The following DNAH10 variants were observed in gnomAD, a reference collection of about 807,000 sequenced individuals.
The protein encoded by DNAH10 is dynein axonemal heavy chain 10, also known as axonemal beta dynein heavy chain 10.
A neutral mutation model predicts 506.6 loss-of-function variants in DNAH10; 348 were observed. That is an observed-to-expected ratio of 0.69 (90% CI 0.63 to 0.75). The LOEUF is 0.75. Ranked by LOEUF, DNAH10 falls within the 30% of genes least tolerant of loss-of-function variation. DNAH10 has a pLI of 0.00. For missense variants in DNAH10, 5,179 were observed against 5,787.1 expected (o/e 0.89, Z 3.41); for synonymous variants, 2,059 against 2,198.6 (o/e 0.94, Z 1.78).
chr12:123,773,654 C>A (rs1203886867), intron 4 of DNAH10, among the ~76,000 whole-genome samples: 1 of 151,106 alleles, frequency 6.6e-6, no homozygotes, highest in Non-Finnish European at 1.5e-5. Flanking sequence ...TGGTGGAGAG[C>A]AGAGAGAGAG....
chr12:123,799,161 T>A (rs1195107944), intron 13 of DNAH10, 85 bp from the exon 14 acceptor site: 1 of 847,886 alleles, frequency 1.2e-6, no homozygotes, highest in East Asian at 4.4e-5. Flanking sequence ...ATTATATTTA[T>A]AATTTGTATA....
rs570817172 is a variant in DNAH10, at chr12:123,884,487, T to C, written c.8824-2655T>C. ...GATCAGGGTGCCAGCATGGTCGGGC[T>C]CCAGAGAGGGCCCTCTCCCGGGCTG... On this transcript the variant is annotated intron_variant, in intron 51 of 78. Transcript: ENST00000673944. Among the ~76,000 whole-genome samples the C allele has an allele frequency of 1.9e-4, 29 of 152,190 alleles. 1 individual carries two copies. The highest frequency in any genetic ancestry group is 4.1e-4 in the Non-Finnish European group (28 of 68,030).
At chr12:123,827,493 A>T (rs1305049869) in intron 25 of DNAH10, among the ~76,000 whole-genome samples, 2 of 152,072 alleles carry the variant, frequency 1.3e-5, no homozygotes, top group Admixed American at 6.5e-5. Context: ...CACCATACTG[A>T]TGGGATAGCC....
At chr12:123,767,283 T>A (rs74322376) in intron 1 of DNAH10, among the ~76,000 whole-genome samples, 7,926 of 152,282 alleles carry the variant, frequency 0.052, 271 homozygotes, top group African/African-American at 0.089. Context: ...ATGTACAGTT[T>A]AGGGTGTTAA....
At chr12:123,763,135 C>T (rs1040975984) in intron 1 of DNAH10, among the ~76,000 whole-genome samples, 6 of 152,230 alleles carry the variant, frequency 3.9e-5, no homozygotes, top group Non-Finnish European at 8.8e-5. Flanking sequence ...TTAAAAACTA[C>T]AGTAGACTTT....
At position 123,845,835 on chromosome 12, in the gene DNAH10, G is replaced by T; in HGVS notation, c.5596G>T (p.Ala1866Ser). 1 of 1,614,040 alleles carries T rather than the reference G, an allele frequency of 6.2e-7. No homozygotes were observed. Among genetic ancestry groups the T allele is most frequent in the Non-Finnish European group, 8.5e-7 (1 of 1,179,900 alleles). ...YNTVLIIDVH[A>S]RDIVDSFIRG... is the part of the protein sequence containing the mutation. ...CACTGTTCTCATCATTGATGTGCAT[G>T]CCAGAGACATAGTTGATTCTTTCAT... is the stretch of plus-strand genomic sequence containing the variant. The change falls in exon 31 of 79, where the codon GCC becomes TCC. Residue 1866 changes from alanine (A) to serine (S), a missense_variant. Around this residue, in one of 3 missense-constraint regions of DNAH10, gnomAD observed 4,844 missense variants for 5,430.5 expected, o/e 0.89. Coordinates refer to ENST00000673944, the MANE Select transcript of DNAH10 (RefSeq NM_001372106.1).
At chr12:123,887,068 G>T in intron 51 of DNAH10, 74 bp from the exon 52 acceptor site, 3 of 1,492,176 alleles carry the variant, frequency 2.0e-6, no homozygotes, top group Non-Finnish European at 2.7e-6. Flanking sequence ...CTCCTCCAGC[G>T]TCCCCACCCC....
chr12:123,837,736 G>A (rs1231806516), intron 28 of DNAH10, among the ~76,000 whole-genome samples: 6 of 148,210 alleles, frequency 4.0e-5, no homozygotes, highest in Non-Finnish European at 8.9e-5. Context: ...CACCACACCC[G>A]GCTAACTTAA....
At chr12:123,810,205 A>G (rs545309034) in intron 19 of DNAH10, among the ~76,000 whole-genome samples, 1 of 152,274 alleles carries the variant, frequency 6.6e-6, no homozygotes, top group Admixed American at 6.5e-5. Context: ...CCCAAGGTTT[A>G]TGTCTTACCC....
At chr12:123,771,577 C>G (rs770624202) in intron 2 of DNAH10, 24 bp from the exon 3 acceptor site, 28 of 1,602,686 alleles carry the variant, frequency 1.7e-5, no homozygotes, top group Non-Finnish European at 2.3e-5. Flanking sequence ...ATTATTTTCT[C>G]TTAAACTGAT....
At position 123,845,808 on chromosome 12, in the gene DNAH10, A is replaced by G; in HGVS notation, c.5569A>G (p.Asn1857Asp). 6.2e-7 allele frequency: 1 copy of G among 1,614,030 alleles called. No individual in the cohort carries two copies. Among genetic ancestry groups the G allele is most frequent in the Non-Finnish European group, 8.5e-7 (1 of 1,179,894 alleles). Residue 1857 changes from asparagine to aspartate, a missense_variant, in exon 31 of 79, where the codon AAC (asparagine) becomes GAC (aspartate). This residue lies in a region of DNAH10 where 4,844 missense variants were observed against 5,430.5 expected (regional missense o/e 0.89). Coordinates refer to ENST00000673944, the MANE Select transcript of DNAH10 (RefSeq NM_001372106.1). ...AAGCAAAAACGACAGGAAAAAATAC[A>G]ACACTGTTCTCATCATTGATGTGCA... Reference protein sequence around the residue: ...PLSKNDRKKYNTVLIIDVHAR... With the variant: ...PLSKNDRKKYDTVLIIDVHAR...
intron 40 of DNAH10, among the ~76,000 whole-genome samples, chr12:123,865,101 G>A (rs1951751755): frequency 1.3e-5 from 2 of 152,174 alleles, no homozygotes; most frequent in African/African-American, 4.8e-5. Context: ...TTGGTTAACA[G>A]TAGATAATGT....
chr12:123,891,195 T>C (rs79793452), intron 52 of DNAH10, among the ~76,000 whole-genome samples: 7,552 of 152,204 alleles, frequency 0.05, 626 homozygotes, highest in African/African-American at 0.17. Context: ...GTCTTCGTTG[T>C]CACGTGGCCT....
intron 37 of DNAH10, among the ~76,000 whole-genome samples, chr12:123,858,365 C>T (rs60571579): frequency 0.033 from 5,046 of 152,218 alleles, 251 homozygotes; most frequent in African/African-American, 0.1. Flanking sequence ...CAGGCTACCC[C>T]GGAGACCTCA....
At chr12:123,851,697 T>C (rs111441792) in intron 35 of DNAH10, among the ~76,000 whole-genome samples, 13 of 152,348 alleles carry the variant, frequency 8.5e-5, no homozygotes, top group African/African-American at 2.6e-4. Flanking sequence ...CGTGTGCGTG[T>C]AGTTAGTTCT....
chr12:123,837,033 A>G (rs1196734203), intron 28 of DNAH10, among the ~76,000 whole-genome samples: 1 of 150,824 alleles, frequency 6.6e-6, no homozygotes, highest in Non-Finnish European at 1.5e-5. Context: ...TTGTATTTTT[A>G]GTAGAGACGG....
chr12:123,862,694 G>A (rs1951659179), intron 39 of DNAH10, among the ~76,000 whole-genome samples: 1 of 152,068 alleles, frequency 6.6e-6, no homozygotes, highest in Non-Finnish European at 1.5e-5. Context: ...CCTGGCCGTT[G>A]AGTCCTTTTA....
At chr12:123,886,934 C>A (rs762976930) in intron 51 of DNAH10, among the ~76,000 whole-genome samples, 1 of 152,298 alleles carries the variant, frequency 6.6e-6, no homozygotes, top group East Asian at 1.9e-4. Context: ...ATTCTTCCCC[C>A]CTTTCCTCTG....
intron 2 of DNAH10, among the ~76,000 whole-genome samples, chr12:123,769,856 C>T (rs1441368615): frequency 2.0e-5 from 3 of 150,346 alleles, no homozygotes; most frequent in Admixed American, 6.6e-5. Context: ...TGGGCTCAAG[C>T]GATCCTCCTG....
Sources: gnomAD v4.1 joint callset for allele counts (sites outside exome capture counted in the v4.1 genomes callset) on GRCh38, gnomAD v4.1.1 for gene constraint, gnomAD v4.1.1 regional missense constraint, MANE v1.5 for transcripts, NCBI Gene and HGNC (gene_info 2026-07-23, HGNC 2026-07-21) for gene names.